The following WDR20 variants were observed in gnomAD, a reference collection of about 807,000 sequenced individuals.
WDR20 encodes WD repeat-containing protein 20.
Under a neutral mutation model 38.7 loss-of-function variants are expected in WDR20, and 3 were observed. That is an observed-to-expected ratio of 0.08 (90% CI 0.04 to 0.20). The LOEUF (loss-of-function observed/expected upper bound fraction) is 0.20, where lower values mean the gene tolerates loss of function less well. Ranked by LOEUF, WDR20 falls within the 10% of genes least tolerant of loss-of-function variation. The pLI, the probability that WDR20 is intolerant of heterozygous loss-of-function variation, is 1.00. For missense variants in WDR20, 559 were observed against 727.7 expected (o/e 0.77, Z 2.67); for synonymous variants, 298 against 285.6 (o/e 1.04, Z -0.44).
chr14:102,214,441 C>G, downstream of WDR20: 2 of 985,426 alleles, frequency 2.0e-6, no homozygotes, highest in Non-Finnish European at 2.4e-6. Flanking sequence ...AAACTCAGAT[C>G]CTAGTTACGA....
Position 102,193,606 on chromosome 14 carries a change from C to A in WDR20, c.250-1332C>A, listed in dbSNP as rs145723531. On this transcript the variant is annotated intron_variant, in intron 1 of 2. Transcript: ENST00000342702. ...CTTGTTACCGCTCAGGTCCAGACTT[C>A]TACATGTGCAAGGTTTTGAGTTTGC... 1.4e-4 allele frequency: 169 copies of A among 1,242,980 alleles called. No homozygotes were observed. The African/African-American group carries it at 2.3e-3, about 17-fold the overall frequency. The allele number at this position is 1,242,980 out of a possible 1,614,324, so 77.0% of individuals were successfully genotyped here.
chr14:102,190,138 A>T (rs1438880800), intron 1 of WDR20, among the ~76,000 whole-genome samples: 1 of 151,698 alleles, frequency 6.6e-6, no homozygotes. Flanking sequence ...GCACAGCCTC[A>T]TGACCCTGAA....
At position 102,220,495 on chromosome 14, in the gene WDR20, A is replaced by T. The variant is rs930109035; in HGVS notation, c.1693-2335A>T. ...TCCCAGCACTTTGGGAGGCCAAGGC[A>T]GGTGGATCACGAGGTCAGGAGGTCT... is the stretch of plus-strand genomic sequence containing the variant. On this transcript the variant is annotated intron_variant, in intron 3 of 3. Transcript: ENST00000335263. This position sits in a 1 kb window ranked among gnomAD's most constrained non-coding sequence, Gnocchi z 4.2. 5.3e-5 allele frequency among the ~76,000 whole-genome samples: 8 copies of T among 152,196 alleles called. No homozygotes were observed. The highest frequency in any genetic ancestry group is 1.9e-4 in the African/African-American group (8 of 41,454).
downstream of WDR20, among the ~76,000 whole-genome samples, chr14:102,216,919 C>T (rs926543041): frequency 1.3e-5 from 2 of 152,086 alleles, no homozygotes; most frequent in Non-Finnish European, 2.9e-5. Context: ...GGCGACAGAG[C>T]GAGACTCTGT....
downstream of WDR20, among the ~76,000 whole-genome samples, chr14:102,219,155 C>G (rs141865838): frequency 6.1e-4 from 93 of 152,340 alleles, no homozygotes; most frequent in African/African-American, 2.0e-3. Flanking sequence ...GTCTGTTTCT[C>G]GTCTTCCTCT....
At chr14:102,192,209 T>C (rs1281606023) in intron 1 of WDR20, among the ~76,000 whole-genome samples, 1 of 151,560 alleles carries the variant, frequency 6.6e-6, no homozygotes, top group Non-Finnish European at 1.5e-5. Context: ...AGACAGAGTC[T>C]CGCTCTGTCA....
intron 2 of WDR20, among the ~76,000 whole-genome samples, chr14:102,204,157 G>C (rs2061060387): frequency 6.6e-6 from 1 of 152,128 alleles, no homozygotes; most frequent in Middle Eastern, 3.2e-3. Context: ...GAGACAGCAT[G>C]CTCGCTTTGG....
At chr14:102,177,183 A>G (rs1017562783) in intron 1 of WDR20, among the ~76,000 whole-genome samples, 1 of 152,200 alleles carries the variant, frequency 6.6e-6, no homozygotes, top group Non-Finnish European at 1.5e-5. Flanking sequence ...AGATTCTCCC[A>G]TTCAGATATT....
intron 1 of WDR20, among the ~76,000 whole-genome samples, chr14:102,169,680 A>G (rs941205096): frequency 9.2e-5 from 14 of 152,028 alleles, no homozygotes; most frequent in Admixed American, 6.6e-5. Flanking sequence ...GGCGCCTGCC[A>G]CTACACCCGG....
intron 2 of WDR20, among the ~76,000 whole-genome samples, chr14:102,200,706 A>T (rs1233406130): frequency 1.3e-5 from 2 of 152,240 alleles, no homozygotes; most frequent in African/African-American, 4.8e-5. Context: ...TGGCTGAAAT[A>T]TAAAATGTTA....
At chr14:102,213,628 C>T, downstream of WDR20, 2 of 985,446 alleles carry the variant, frequency 2.0e-6, no homozygotes, top group Non-Finnish European at 2.4e-6. Flanking sequence ...CACTGGCTGA[C>T]TTCACCCCCA....
chr14:102,172,744 G>A (rs2061177379), intron 1 of WDR20, among the ~76,000 whole-genome samples: 1 of 150,198 alleles, frequency 6.7e-6, no homozygotes, highest in African/African-American at 2.4e-5. Flanking sequence ...CGGGGCGGCT[G>A]CCGGGCGGAG....
intron 2 of WDR20, among the ~76,000 whole-genome samples, chr14:102,206,290 G>T (rs560668769): frequency 1.8e-4 from 27 of 152,294 alleles, no homozygotes; most frequent in African/African-American, 6.5e-4. Context: ...CCTGGCCACA[G>T]TGCAGCTTCT....
chr14:102,198,144 TATGA>T (rs2059728754), intron 2 of WDR20, among the ~76,000 whole-genome samples: 1 of 135,216 alleles, frequency 7.4e-6, no homozygotes, highest in African/African-American at 2.7e-5. Context: ...TTTATTTATT[TATGA>T]GACAGAGTCT....
chr14:102,139,507 G>T, upstream of WDR20: 1 of 1,263,354 alleles, frequency 7.9e-7, no homozygotes, highest in South Asian at 1.5e-5. Flanking sequence ...CTCAGGGCAG[G>T]GCGGGAGACC....
chr14:102,140,263 G>A (rs1426244154), intron 1 of WDR20, 91 bp downstream of exon 1: 8 of 1,547,288 alleles, frequency 5.2e-6, no homozygotes, highest in Non-Finnish European at 6.1e-6. Flanking sequence ...GACCGAGAGG[G>A]GTGGCCGTCG....
rs1178938152 is a variant in WDR20, at chr14:102,207,483, G to C, written c.433-1120G>C. On this transcript the variant is annotated intron_variant, in intron 2 of 2. Transcript: ENST00000342702. The surrounding 1 kb of genome is among the most constrained non-coding windows in gnomAD (Gnocchi z 5.0). ...TGTGCCCAGTACCCCTCTGAGACTT[G>C]AGTCAGGGACTCCCCACCTGTTAGG... 1.3e-5 allele frequency among the ~76,000 whole-genome samples: 2 copies of C among 152,216 alleles called. No individual in the cohort carries two copies. The highest frequency in any genetic ancestry group is 1.9e-4 in the East Asian group (1 of 5,182).
chr14:102,216,841 G>A (rs1426169042), downstream of WDR20, among the ~76,000 whole-genome samples: 1 of 152,186 alleles, frequency 6.6e-6, no homozygotes, highest in Non-Finnish European at 1.5e-5. Context: ...GAGGCACCAT[G>A]AAAATCACTT....
At chr14:102,185,765 G>A (rs1458261008) in intron 1 of WDR20, among the ~76,000 whole-genome samples, 2 of 150,606 alleles carry the variant, frequency 1.3e-5, no homozygotes, top group Admixed American at 6.6e-5. Flanking sequence ...AAGAATTATC[G>A]AGATTGCGCC....
Sources: allele counts gnomAD v4.1 joint callset (sites outside exome capture counted in the v4.1 genomes callset), GRCh38; gene constraint gnomAD v4.1.1; non-coding constraint Gnocchi (gnomAD v3.1); transcripts MANE v1.5; gene names NCBI Gene and HGNC (gene_info 2026-07-23, HGNC 2026-07-21).